The following DAXX variants were observed in gnomAD, a reference collection of about 807,000 sequenced individuals.
DAXX encodes death domain-associated protein 6.
Under a neutral mutation model 61.9 loss-of-function variants are expected in DAXX, and 24 were observed. The ratio of observed to expected loss-of-function variants is 0.39; its 90% CI spans 0.28 to 0.55. The LOEUF is 0.55. Among genes scored for constraint, DAXX ranks in the 20% least tolerant of loss-of-function variants. The pLI is 0.69. For synonymous variants in DAXX, 357 were observed against 369.5 expected (o/e 0.97, Z 0.39); for missense variants, 819 against 935.3 (o/e 0.88, Z 1.62).
intron 1 of DAXX, chr6:33,322,619 C>T (rs1257778192): frequency 3.0e-6 from 1 of 328,944 alleles, no homozygotes; most frequent in Non-Finnish European, 6.0e-6. Context: ...GATCAAAAGT[C>T]CCCCCGCACC....
chr6:33,320,424 A>G lies in DAXX; in HGVS notation c.1207T>C (p.Ser403Pro), dbSNP rs1770434691. The change falls in exon 4 of 8, where the codon TCC becomes CCC. Residue 403 changes from serine to proline, a missense_variant. By Grantham distance (74) the Ser-to-Pro change is moderately conservative. Transcript: ENST00000374542. The surrounding 1 kb of genome is among the most constrained non-coding windows in gnomAD (Gnocchi z 7.1). ...KRRARLQGTS[S>P]HSADTPEASL... ...GCTTCGGGGGTGTCTGCAGAGTGGGAAGAGGTGCCTTGGAGCCGAGCTCTT... is the reference window on the plus strand; with the variant it reads ...GCTTCGGGGGTGTCTGCAGAGTGGGGAGAGGTGCCTTGGAGCCGAGCTCTT... 2 of 1,613,936 alleles carry G rather than the reference A, an allele frequency of 1.2e-6. No individual in the cohort carries two copies. Among genetic ancestry groups the G allele is most frequent in the African/African-American group, 1.3e-5 (1 of 75,036 alleles).
chr6:33,321,764 G>A lies in DAXX; in HGVS notation c.162C>T (p.Gly54=), dbSNP rs2150999450. 3 of 1,613,210 alleles carry A rather than the reference G, an allele frequency of 1.9e-6. No individual in the cohort carries two copies. The highest frequency in any genetic ancestry group is 2.5e-6 in the Non-Finnish European group (3 of 1,179,708). ...TCTCCAGCTTGTAGCATTTCTTGCC[G>A]CCCGAACTACTGCTTCCTCTGGCCC... ...PHGARGSSSS[G]GKKCYKLENE... The change falls in exon 2 of 8, where the codon GGC becomes GGT. Residue 54 remains glycine (G), a synonymous_variant. Transcript: ENST00000374542. This position sits in a 1 kb window ranked among gnomAD's most constrained non-coding sequence, Gnocchi z 7.2.
At position 33,320,557 on chromosome 6, in the gene DAXX, G is replaced by A. The variant is rs1476730216; in HGVS notation, c.1074C>T (p.Ala358=). The change falls in exon 4 of 8, where the codon GCC becomes GCT. Residue 358 remains alanine, a synonymous_variant. Coordinates refer to ENST00000374542, the MANE Select transcript of DAXX (RefSeq NM_001141969.2). This position sits in a 1 kb window ranked among gnomAD's most constrained non-coding sequence, Gnocchi z 7.1. ...AACTCCGGTTTTCCCGAAGGCGCCGGGCCAACACAGGATCTGATAGTGCAG... is the reference window on the plus strand; with the variant it reads ...AACTCCGGTTTTCCCGAAGGCGCCGAGCCAACACAGGATCTGATAGTGCAG... ...VDPALSDPVL[A]RRLRENRSLA... The A allele has an allele frequency of 6.2e-7, 1 of 1,613,810 alleles. No homozygotes were observed. The highest frequency in any genetic ancestry group is 8.5e-7 in the Non-Finnish European group (1 of 1,180,018).
intron 1 of DAXX, 26 bp downstream of exon 1, chr6:33,322,836 T>C: frequency 4.0e-6 from 3 of 756,612 alleles, no homozygotes; most frequent in Non-Finnish European, 6.4e-6. Flanking sequence ...CCCCCGCCTC[T>C]GATCCCCGCA....
chr6:33,322,884 G>T lies in DAXX; in HGVS notation c.-75C>A, dbSNP rs774298218. On this transcript the variant is annotated 5_prime_UTR_variant, in exon 1 of 8. Transcript: ENST00000374542. ...CACCTCAGAAACCGTCTCTCGAGGC[G>T]ACCCTCGCCGCAATTCTCAGAACCT... The T allele has an allele frequency of 2.8e-6, 4 of 1,433,620 alleles. No homozygotes were observed. Among genetic ancestry groups the T allele is most frequent in the Non-Finnish European group, 3.8e-6 (4 of 1,061,858 alleles). The allele number at this position is 1,433,620 out of a possible 1,614,324, so 88.8% of individuals were successfully genotyped here.
At position 33,321,858 on chromosome 6, in the gene DAXX, C is replaced by T; in HGVS notation, c.68G>A (p.Gly23Glu). ...CGCATTGGGGAGTGGGTGGGAGGGC[C>T]CTGGCTGAGCAGCTGCTTCATCTTC... ...DDEDEAAAQP[G>E]PSHPLPNAAS... The change falls in exon 2 of 8, where the codon GGG becomes GAG. Residue 23 changes from glycine to glutamate, a missense_variant. Gly to Glu is a moderately conservative substitution (Grantham distance 98, BLOSUM62 -2). Transcript: ENST00000374542. This position sits in a 1 kb window ranked among gnomAD's most constrained non-coding sequence, Gnocchi z 7.2. 2 of 1,612,786 alleles carry T rather than the reference C, an allele frequency of 1.2e-6. No homozygotes were observed. The highest frequency in any genetic ancestry group is 1.7e-6 in the Non-Finnish European group (2 of 1,179,462).
rs780621518 is a variant in DAXX, at chr6:33,321,144, C to T, written c.631G>A (p.Asp211Asn). ...EIRRLQEKELDLSELDDPDSA... is the reference protein window; with the variant it reads ...EIRRLQEKELNLSELDDPDSA... ...TCTGGGTCATCCAATTCTGAGAGAT[C>T]CAACTCCTTTTCCTGCAGCCGCCGG... is the stretch of plus-strand genomic sequence containing the variant. The change falls in exon 3 of 8, where the codon GAT (aspartate) becomes AAT (asparagine). Residue 211 changes from aspartate (D) to asparagine (N), a missense_variant. Physicochemically the swap from Asp to Asn is conservative, Grantham distance 23. Transcript: ENST00000374542. This position sits in a 1 kb window ranked among gnomAD's most constrained non-coding sequence, Gnocchi z 7.2. 1 of 1,613,662 alleles carries T rather than the reference C, an allele frequency of 6.2e-7. No individual in the cohort carries two copies. Among genetic ancestry groups the T allele is most frequent in the Non-Finnish European group, 8.5e-7 (1 of 1,179,614 alleles).
Position 33,318,810 on chromosome 6 carries a change from G to A in DAXX, c.2164-8C>T. The stretch of plus-strand genomic sequence containing the variant: ...TTGTGTGGCCACACTTGTCTGCAGG[G>A]AAGTGAGAGACAAAGAGTCAAAGAG... On this transcript the variant is annotated splice_polypyrimidine_tract_variant and splice_region_variant and intron_variant, in intron 7 of 7. Coordinates refer to ENST00000374542, the MANE Select transcript of DAXX (RefSeq NM_001141969.2). The A allele has an allele frequency of 6.6e-7, 1 of 1,513,660 alleles. No individual in the cohort carries two copies. Among genetic ancestry groups the A allele is most frequent in the Non-Finnish European group, 9.0e-7 (1 of 1,105,280 alleles). The allele number at this position is 1,513,660 out of a possible 1,614,324, so 93.8% of individuals were successfully genotyped here.
In DAXX at chr6:33,319,856, TG is replaced by T; in HGVS notation, c.1466-3del. 6.2e-7 allele frequency: 1 copy of T among 1,603,648 alleles called. No individual in the cohort carries two copies. The highest frequency in any genetic ancestry group is 8.5e-7 in the Non-Finnish European group (1 of 1,175,044). On this transcript the variant is annotated splice_polypyrimidine_tract_variant and splice_region_variant and intron_variant, in intron 5 of 7. Coordinates refer to ENST00000374542, the MANE Select transcript of DAXX (RefSeq NM_001141969.2). ...TGGGGCTCTTGTCTCCATCTTTACC[TG>T]GAAAAGAAGAAAAGGGGAGAGGGTA...
At chr6:33,322,176 C>A (rs1770718181) in intron 1 of DAXX, among the ~76,000 whole-genome samples, 199 bp from the exon 2 acceptor site, 2 of 151,902 alleles carry the variant, frequency 1.3e-5, no homozygotes, top group Admixed American at 1.3e-4. Flanking sequence ...AAACCACCCC[C>A]ACACCTTAAG....
Position 33,320,950 on chromosome 6 carries a change from G to T in DAXX, c.825C>A (p.Ile275=). 6.2e-7 allele frequency: 1 copy of T among 1,614,118 alleles called. No individual in the cohort carries two copies. Among genetic ancestry groups the T allele is most frequent in the Non-Finnish European group, 8.5e-7 (1 of 1,179,968 alleles). The change falls in exon 3 of 8, where the codon ATC becomes ATA. Residue 275 remains isoleucine, a synonymous_variant. Transcript: ENST00000374542. The surrounding 1 kb of genome is among the most constrained non-coding windows in gnomAD (Gnocchi z 7.1). Reference sequence around the variant, plus strand: ...GGAAGGTATCAGGCCCTGGCTTGTTGATGAGCCGCTCAATGCGCCTGTTAA... The same window carrying T: ...GGAAGGTATCAGGCCCTGGCTTGTTTATGAGCCGCTCAATGCGCCTGTTAA... ...PEVNRRIERL[I]NKPGPDTFPD...
chr6:33,319,569 G>A lies in DAXX; in HGVS notation c.1751C>T (p.Thr584Met), dbSNP rs371054058. The A allele has an allele frequency of 2.5e-5, 40 of 1,614,066 alleles. No individual in the cohort carries two copies. Among genetic ancestry groups the A allele is most frequent in the East Asian group, 6.7e-5 (3 of 44,902 alleles). The change falls in exon 6 of 8, where the codon ACG (threonine) becomes ATG (methionine). Residue 584 changes from threonine to methionine, a missense_variant. Coordinates refer to ENST00000374542, the MANE Select transcript of DAXX (RefSeq NM_001141969.2). ...TTGCTTCCTGGAAGAGGAAATGTCC[G>A]TCTCCACAGAGGAAGGGGTATCCAG... The part of the protein sequence containing the change: ...LPLDTPSSVE[T>M]DISSSRKQSE...
Position 33,321,637 on chromosome 6 carries a change from G to A in DAXX, c.208-70C>T. 6.3e-7 allele frequency: 1 copy of A among 1,598,922 alleles called. No individual in the cohort carries two copies. The highest frequency in any genetic ancestry group is 8.5e-7 in the Non-Finnish European group (1 of 1,169,824). On this transcript the variant is annotated intron_variant, in intron 2 of 7. Coordinates refer to ENST00000374542, the MANE Select transcript of DAXX (RefSeq NM_001141969.2). The surrounding 1 kb of genome is among the most constrained non-coding windows in gnomAD (Gnocchi z 7.2). The stretch of plus-strand genomic sequence containing the variant: ...GGGGGTTGAGAGAAAGGGGAGGTGG[G>A]GTTAGTGGGAAAGAAAGGACAGGAG...
rs1468058878 is a variant in DAXX, at chr6:33,321,802, A to T, written c.124T>A (p.Ser42Thr). The T allele has an allele frequency of 1.9e-6, 3 of 1,609,626 alleles. No individual in the cohort carries two copies. The highest frequency in any genetic ancestry group is 2.5e-6 in the Non-Finnish European group (3 of 1,176,526). The part of the protein sequence containing the change: ...ASPGAEAPSS[S>T]EPHGARGSSS... ...CTTCCTCTGGCCCCATGAGGCTCAG[A>T]GGAGCTAGGGGCTTCTGCCCCAGGT... Residue 42 changes from serine (S) to threonine (T), a missense_variant, in exon 2 of 8, where the codon TCT (serine) becomes ACT (threonine). Transcript: ENST00000374542. This position sits in a 1 kb window ranked among gnomAD's most constrained non-coding sequence, Gnocchi z 7.2.
In DAXX at chr6:33,321,227, C is replaced by T. The variant is rs1338398086; in HGVS notation, c.548G>A (p.Gly183Asp). 2 of 1,612,978 alleles carry T rather than the reference C, an allele frequency of 1.2e-6. No homozygotes were observed. Among genetic ancestry groups the T allele is most frequent in the South Asian group, 2.2e-5 (2 of 91,062 alleles). The change falls in exon 3 of 8, where the codon GGT (glycine) becomes GAT (aspartate). Residue 183 changes from glycine (G) to aspartate (D), a missense_variant. Transcript: ENST00000374542. The surrounding 1 kb of genome is among the most constrained non-coding windows in gnomAD (Gnocchi z 7.2). ...NTASQSPRTR[G>D]SRRQIQRLEQ... ...CAAACGCTGGATCTGCCGCCGGGAA[C>T]CACGGGTCCTTGGAGACTGAGAGGC...
At position 33,321,931 on chromosome 6, in the gene DAXX, A is replaced by G; in HGVS notation, c.-6T>C. The G allele has an allele frequency of 6.2e-7, 1 of 1,603,606 alleles. No individual in the cohort carries two copies. Among genetic ancestry groups the G allele is most frequent in the Non-Finnish European group, 8.5e-7 (1 of 1,174,278 alleles). On this transcript the variant is annotated 5_prime_UTR_variant, in exon 2 of 8. Transcript: ENST00000374542. This position sits in a 1 kb window ranked among gnomAD's most constrained non-coding sequence, Gnocchi z 7.2. Reference sequence around the variant, plus strand: ...ATGCTGTTAGCGGTGGCCATAGGGGATCAAATCCCCCGGAGGGAGGAAGTG... The same window carrying G: ...ATGCTGTTAGCGGTGGCCATAGGGGGTCAAATCCCCCGGAGGGAGGAAGTG...
Position 33,321,214 on chromosome 6 carries a change from C to T in DAXX, c.561G>A (p.Gln187=). Residue 187 remains glutamine, a synonymous_variant, in exon 3 of 8, where the codon CAG becomes CAA. Coordinates refer to ENST00000374542, the MANE Select transcript of DAXX (RefSeq NM_001141969.2). The surrounding 1 kb of genome is among the most constrained non-coding windows in gnomAD (Gnocchi z 7.2). Reference sequence around the variant, plus strand: ...CCAGCAGCTGCTCCAAACGCTGGATCTGCCGCCGGGAACCACGGGTCCTTG... The same window carrying T: ...CCAGCAGCTGCTCCAAACGCTGGATTTGCCGCCGGGAACCACGGGTCCTTG... ...QSPRTRGSRR[Q]IQRLEQLLAL... 1 of 1,613,214 alleles carries T rather than the reference C, an allele frequency of 6.2e-7. No homozygotes were observed. The highest frequency in any genetic ancestry group is 1.1e-5 in the South Asian group (1 of 91,070).
chr6:33,322,243 C>T (rs1198133072), intron 1 of DAXX, among the ~76,000 whole-genome samples: 4 of 151,866 alleles, frequency 2.6e-5, no homozygotes, highest in African/African-American at 9.7e-5. Context: ...TTGCATTTCC[C>T]CCCTATTTCT....
Position 33,320,417 on chromosome 6 carries a change from G to A in DAXX, c.1214C>T (p.Ser405Phe), listed in dbSNP as rs375524506. ...CAAGGAGGCTTCGGGGGTGTCTGCA[G>A]AGTGGGAAGAGGTGCCTTGGAGCCG... is the stretch of plus-strand genomic sequence containing the variant. ...RARLQGTSSH[S>F]ADTPEASLDS... is the part of the protein sequence containing the mutation. The change falls in exon 4 of 8, where the codon TCT (serine) becomes TTT (phenylalanine). Residue 405 changes from serine to phenylalanine, a missense_variant. Physicochemically the swap from Ser to Phe is radical, Grantham distance 155. Coordinates refer to ENST00000374542, the MANE Select transcript of DAXX (RefSeq NM_001141969.2). This position sits in a 1 kb window ranked among gnomAD's most constrained non-coding sequence, Gnocchi z 7.1. The A allele has an allele frequency of 1.1e-5, 17 of 1,613,706 alleles. No homozygotes were observed. The highest frequency in any genetic ancestry group is 2.2e-5 in the South Asian group (2 of 91,076).
Sources: gnomAD v4.1 joint callset for allele counts (sites outside exome capture counted in the v4.1 genomes callset) on GRCh38, gnomAD v4.1.1 for gene constraint, Gnocchi (gnomAD v3.1) non-coding constraint, MANE v1.5 for transcripts, NCBI Gene and HGNC (gene_info 2026-07-23, HGNC 2026-07-21) for gene names.